CPT1A: variants seen among roughly 807,000 people sequenced by gnomAD.
CPT1A encodes the protein carnitine palmitoyltransferase 1A, also known as carnitine O-palmitoyltransferase 1, liver isoform.
A neutral mutation model predicts 100.8 loss-of-function variants in CPT1A; 64 were observed. The ratio of observed to expected loss-of-function variants is 0.63; its 90% CI spans 0.52 to 0.78. CPT1A has a LOEUF of 0.78. Among genes scored for constraint, CPT1A ranks in the 30% least tolerant of loss-of-function variants. The probability of loss-of-function intolerance (pLI) is 0.00; values close to 1 mark genes in which losing one functional copy is unlikely to be tolerated. For synonymous variants in CPT1A, 363 were observed against 396.0 expected (o/e 0.92, Z 0.99); for missense variants, 802 against 1,034.1 (o/e 0.78, Z 3.08).
chr11:68,826,968 C>T (rs552042573), intron 1 of CPT1A, among the ~76,000 whole-genome samples: 3 of 152,148 alleles, frequency 2.0e-5, no homozygotes, highest in Non-Finnish European at 2.9e-5. Context: ...GGGCCAAGGG[C>T]GCAAAGCTCT....
intron 1 of CPT1A, among the ~76,000 whole-genome samples, chr11:68,828,449 C>T (rs925041734): frequency 2.6e-5 from 4 of 152,172 alleles, no homozygotes; most frequent in African/African-American, 4.8e-5. Flanking sequence ...AGGCTCACTG[C>T]GTCTTCCCCT....
chr11:68,814,431 C>G (rs1004226958), intron 2 of CPT1A, among the ~76,000 whole-genome samples: 2 of 151,618 alleles, frequency 1.3e-5, no homozygotes, highest in African/African-American at 4.9e-5. Context: ...CTCAGCCTCC[C>G]GAGTAGCTGG....
chr11:68,783,142 T>C (rs1344488195), intron 10 of CPT1A, among the ~76,000 whole-genome samples: 4 of 151,906 alleles, frequency 2.6e-5, no homozygotes, highest in African/African-American at 9.7e-5. Flanking sequence ...TCCTCCTCCA[T>C]CCCGCTCCTG....
rs562281448 is a variant in CPT1A, at chr11:68,814,325, G to T, written c.141+1009C>A. Reference sequence around the variant, plus strand: ...TTCTTTTTTTTTGTTTGTTTTTTTTGAGACAGAGTCTCGCTCTCTCACCCA... The same window carrying T: ...TTCTTTTTTTTTGTTTGTTTTTTTTTAGACAGAGTCTCGCTCTCTCACCCA... On this transcript the variant is annotated intron_variant, in intron 2 of 18. Transcript: ENST00000265641. Among the ~76,000 whole-genome samples, 808 of 151,618 alleles carry T rather than the reference G, an allele frequency of 5.3e-3. 5 individuals carry two copies. The highest frequency in any genetic ancestry group is 7.9e-3 in the Admixed American group (120 of 15,228).
At chr11:68,782,012 C>A (rs770109982) in intron 10 of CPT1A, 53 bp from the exon 11 acceptor site, 1 of 1,507,998 alleles carries the variant, frequency 6.6e-7, no homozygotes, top group Non-Finnish European at 9.2e-7. Flanking sequence ...AGCGATGGAG[C>A]GTGATGTTTG....
chr11:68,796,836 G>T lies in CPT1A; in HGVS notation c.771+20C>A, dbSNP rs750883620. 1.6e-5 allele frequency: 25 copies of T among 1,612,536 alleles called. No homozygotes were observed. The highest frequency in any genetic ancestry group is 2.1e-5 in the Non-Finnish European group (25 of 1,179,174). On this transcript the variant is annotated intron_variant, in intron 7 of 18. Coordinates refer to ENST00000265641, the MANE Select transcript of CPT1A (RefSeq NM_001876.4). Reference sequence around the variant, plus strand: ...GCCCCACCGTCCTCGTCAGACAGCAGCCCGGGCGGGTGGACTCACCATGGC... The same window carrying T: ...GCCCCACCGTCCTCGTCAGACAGCATCCCGGGCGGGTGGACTCACCATGGC...
chr11:68,839,577 C>G (rs1857110564), intron 1 of CPT1A: 1 of 985,494 alleles, frequency 1.0e-6, no homozygotes, highest in Admixed American at 6.1e-5. Context: ...TCGAGCCCTG[C>G]GGTGCCCAGC....
intron 9 of CPT1A, among the ~76,000 whole-genome samples, chr11:68,789,980 A>T (rs1225949320): frequency 6.6e-6 from 1 of 152,208 alleles, no homozygotes; most frequent in Non-Finnish European, 1.5e-5. Context: ...CGTTGTTGTA[A>T]TGAGTTGAGC....
chr11:68,833,827 T>C (rs1856943007), intron 1 of CPT1A, among the ~76,000 whole-genome samples: 1 of 151,704 alleles, frequency 6.6e-6, no homozygotes, highest in Admixed American at 6.6e-5. Context: ...TTTCGGAGGG[T>C]TTCATGTACA....
At chr11:68,793,844 G>A (rs1229383775) in intron 8 of CPT1A, among the ~76,000 whole-genome samples, 5 of 152,158 alleles carry the variant, frequency 3.3e-5, no homozygotes, top group Non-Finnish European at 5.9e-5. Flanking sequence ...TGCTTCGTTT[G>A]ACTTCCTCTT....
chr11:68,800,997 T>C (rs771307609), intron 5 of CPT1A, among the ~76,000 whole-genome samples: 1 of 151,782 alleles, frequency 6.6e-6, no homozygotes, highest in Non-Finnish European at 1.5e-5. Context: ...TGGCCCCAAC[T>C]ACTTGGGAGG....
At chr11:68,771,584 C>A (rs1854991526) in intron 14 of CPT1A, among the ~76,000 whole-genome samples, 1 of 152,198 alleles carries the variant, frequency 6.6e-6, no homozygotes, top group Non-Finnish European at 1.5e-5. Flanking sequence ...CTCTGCCCAG[C>A]TGCTTCTGGT....
At chr11:68,765,877 C>CT (rs752519546) in intron 14 of CPT1A, among the ~76,000 whole-genome samples, 13,156 of 143,598 alleles carry the variant, frequency 0.092, 843 homozygotes, top group African/African-American at 0.18. Flanking sequence ...GAGGGGCTAC[C>CT]TTTTTTTTTT....
chr11:68,792,996 C>A (rs961507711), intron 9 of CPT1A, among the ~76,000 whole-genome samples: 1 of 152,028 alleles, frequency 6.6e-6, no homozygotes, highest in East Asian at 1.9e-4. Flanking sequence ...TGAAGTGAGC[C>A]GTGATCATGT....
At position 68,825,444 on chromosome 11, in the gene CPT1A, C is replaced by T. The variant is rs188860700; in HGVS notation, c.-13-9957G>A. 5.3e-4 allele frequency among the ~76,000 whole-genome samples: 81 copies of T among 152,236 alleles called. 1 individual carries two copies. The highest frequency in any genetic ancestry group is 1.7e-3 in the African/African-American group (72 of 41,542). On this transcript the variant is annotated intron_variant, in intron 1 of 18. Transcript: ENST00000265641. The stretch of plus-strand genomic sequence containing the variant: ...CAGCAGAGAAACGGCGTAACCCATC[C>T]GGAGCCAGGGAAGATAAAACCAGGA...
chr11:68,833,381 G>C (rs775736448), intron 1 of CPT1A, among the ~76,000 whole-genome samples: 2 of 152,258 alleles, frequency 1.3e-5, no homozygotes, highest in Non-Finnish European at 2.9e-5. Context: ...GAGCCACATC[G>C]TTATTCAATT....
At chr11:68,806,093 G>T (rs959370574) in intron 4 of CPT1A, among the ~76,000 whole-genome samples, 1 of 150,354 alleles carries the variant, frequency 6.7e-6, no homozygotes, top group Non-Finnish European at 1.5e-5. Context: ...ACAGCTCACT[G>T]CAGCCTTGAC....
At position 68,760,247 on chromosome 11, in the gene CPT1A, G is replaced by C. The variant is rs1217543321; in HGVS notation, c.2120C>G (p.Ser707Cys). ...FDLENNPEYV[S>C]SGGGFGPVAD... ...CACCGGTCCAAAGCCCCCTCCGCTG[G>C]ACACGTACTCTGGGTTATTCTCCAA... The change falls in exon 17 of 19, where the codon TCC becomes TGC. Residue 707 changes from serine (S) to cysteine (C), a missense_variant. Coordinates refer to ENST00000265641, the MANE Select transcript of CPT1A (RefSeq NM_001876.4). The C allele has an allele frequency of 1.9e-6, 3 of 1,611,112 alleles. No individual in the cohort carries two copies. The highest frequency in any genetic ancestry group is 1.7e-6 in the Non-Finnish European group (2 of 1,179,204).
chr11:68,786,231 G>C (rs1594338779), intron 9 of CPT1A, among the ~76,000 whole-genome samples: 1 of 152,140 alleles, frequency 6.6e-6, no homozygotes, highest in Non-Finnish European at 1.5e-5. Flanking sequence ...GTGTGGTGGT[G>C]TGCACCTGTA....
Sources: gnomAD v4.1 joint callset for allele counts (sites outside exome capture counted in the v4.1 genomes callset) on GRCh38, gnomAD v4.1.1 for gene constraint, MANE v1.5 for transcripts, NCBI Gene and HGNC (gene_info 2026-07-23, HGNC 2026-07-21) for gene names.